PRELID2: variants seen among roughly 807,000 people sequenced by gnomAD.
PRELID2 encodes PRELI domain containing 2, also known as PRELI domain-containing protein 2.
PRELID2 carries 25 observed loss-of-function variants against 28.4 expected under a neutral mutation model. The observed-to-expected ratio is 0.88, with a 90% CI of 0.64 to 1.23. The LOEUF (loss-of-function observed/expected upper bound fraction) is 1.23, where lower values mean the gene tolerates loss of function less well. PRELID2 is among the 50% of genes most tolerant of loss of function. The probability of loss-of-function intolerance (pLI) is 0.00; values close to 1 mark genes in which losing one functional copy is unlikely to be tolerated. For synonymous variants in PRELID2, 76 were observed against 71.6 expected, an observed-to-expected ratio of 1.06 and a Z score of -0.31; for missense variants, 201 against 214.4, an observed-to-expected ratio of 0.94 and a Z score of 0.39.
intron 1 of PRELID2, among the ~76,000 whole-genome samples, chr5:145,559,078 C>T (rs1237783740): frequency 6.6e-6 from 1 of 151,910 alleles, no homozygotes; most frequent in Non-Finnish European, 1.5e-5. Context: ...CATGGTGAAA[C>T]CCCGTCTCTA....
intron 1 of PRELID2, among the ~76,000 whole-genome samples, chr5:145,502,526 G>T (rs78530991): frequency 3.3e-5 from 5 of 152,050 alleles, no homozygotes; most frequent in African/African-American, 9.7e-5. Flanking sequence ...ATGATGGCCA[G>T]GTTAATAAAT....
At chr5:145,334,740 G>T in the PRELID2 span, among the ~76,000 whole-genome samples, 1 of 149,568 alleles carries the variant, frequency 6.7e-6, no homozygotes, top group Admixed American at 6.7e-5. Context: ...CTGAAGAACA[G>T]CTTTGCCAAG....
At chr5:145,616,706 G>A (rs959884244) in intron 1 of PRELID2, among the ~76,000 whole-genome samples, 2 of 152,174 alleles carry the variant, frequency 1.3e-5, no homozygotes, top group Non-Finnish European at 2.9e-5. Context: ...GAGGCAGGGC[G>A]AGATCACAGG....
chr5:145,251,920 C>T, the PRELID2 span, among the ~76,000 whole-genome samples: 3 of 152,108 alleles, frequency 2.0e-5, no homozygotes, highest in African/African-American at 7.2e-5. Flanking sequence ...TAATTTCCTA[C>T]CCTTTCCCTC....
At chr5:145,568,814 G>A (rs897242875) in intron 1 of PRELID2, among the ~76,000 whole-genome samples, 4 of 152,216 alleles carry the variant, frequency 2.6e-5, no homozygotes, top group Non-Finnish European at 5.9e-5. Flanking sequence ...TACTCTCAAA[G>A]AGAAGGCATC....
chr5:145,821,334 T>C (rs769857987), intron 2 of PRELID2, among the ~76,000 whole-genome samples: 8 of 151,362 alleles, frequency 5.3e-5, no homozygotes, highest in Non-Finnish European at 1.0e-4. Context: ...CTCTTCTGTG[T>C]ATGTGTGTGT....
chr5:145,782,873 A>T (rs1751727332), intron 5 of PRELID2, among the ~76,000 whole-genome samples: 1 of 152,184 alleles, frequency 6.6e-6, no homozygotes, highest in African/African-American at 2.4e-5. Context: ...AATTTTTTTT[A>T]AAAAGTCATA....
At chr5:145,604,973 T>G (rs1231028905) in intron 1 of PRELID2, among the ~76,000 whole-genome samples, 1 of 148,480 alleles carries the variant, frequency 6.7e-6, no homozygotes, top group African/African-American at 2.5e-5. Flanking sequence ...TATATTCTTT[T>G]GAAAAGTGTC....
intron 1 of PRELID2, among the ~76,000 whole-genome samples, chr5:145,478,940 T>C (rs770986893): frequency 6.6e-6 from 1 of 152,142 alleles, no homozygotes; most frequent in Non-Finnish European, 1.5e-5. Context: ...GCATGTGCAA[T>C]AGAAAAAGCT....
At chr5:145,812,078 T>G (rs974741737) in intron 4 of PRELID2, among the ~76,000 whole-genome samples, 13 of 152,180 alleles carry the variant, frequency 8.5e-5, no homozygotes, top group African/African-American at 3.1e-4. Context: ...ATCATTCCTC[T>G]GAACACGCTG....
At chr5:145,285,738 C>G in the PRELID2 span, among the ~76,000 whole-genome samples, 1 of 152,276 alleles carries the variant, frequency 6.6e-6, no homozygotes, top group East Asian at 1.9e-4. Context: ...ACAGGTTTCC[C>G]TCTGAAGACC....
the PRELID2 span, among the ~76,000 whole-genome samples, chr5:145,446,713 A>T: frequency 1.3e-5 from 2 of 151,982 alleles, no homozygotes; most frequent in African/African-American, 4.8e-5. Flanking sequence ...TCCATCGATT[A>T]AAATGGAAAT....
rs537886222 is a variant in PRELID2 at position 145,806,375 on chromosome 5, G to A, written c.369-9828C>T. Among the ~76,000 whole-genome samples, 5 of 151,804 alleles carry A rather than the reference G, an allele frequency of 3.3e-5. No individual in the cohort carries two copies. The South Asian group carries it at 1.0e-3, about 32-fold the overall frequency. On this transcript the variant is annotated intron_variant, in intron 4 of 6. Coordinates refer to ENST00000683046, the MANE Select transcript of PRELID2 (RefSeq NM_205846.3). Reference sequence around the variant, plus strand: ...CACACATTAGCCTAGGACTACACAGGGTCATGATCATCAATATCACTGTCT... The same window carrying A: ...CACACATTAGCCTAGGACTACACAGAGTCATGATCATCAATATCACTGTCT...
At chr5:145,694,191 T>C (rs1199571832) in intron 1 of PRELID2, among the ~76,000 whole-genome samples, 1 of 152,166 alleles carries the variant, frequency 6.6e-6, no homozygotes, top group Non-Finnish European at 1.5e-5. Flanking sequence ...GCAACAAAAC[T>C]TTGGTTCTTG....
intron 1 of PRELID2, among the ~76,000 whole-genome samples, chr5:145,482,121 G>T (rs183980780): frequency 1.4e-3 from 214 of 152,186 alleles, no homozygotes; most frequent in African/African-American, 4.8e-3. Flanking sequence ...AACTTCTAAG[G>T]TTCATGTAGC....
chr5:145,806,681 C>A (rs1753533940), intron 4 of PRELID2, among the ~76,000 whole-genome samples: 1 of 152,146 alleles, frequency 6.6e-6, no homozygotes, highest in South Asian at 2.1e-4. Context: ...TTGTAATTCC[C>A]ATGTGTCAAG....
chr5:145,512,774 C>T (rs1752472729), intron 1 of PRELID2, among the ~76,000 whole-genome samples: 1 of 152,182 alleles, frequency 6.6e-6, no homozygotes. Context: ...TGGGACGAAG[C>T]TTCCAAAGGA....
At chr5:145,646,304 T>C (rs1014108988) in intron 1 of PRELID2, among the ~76,000 whole-genome samples, 7 of 152,222 alleles carry the variant, frequency 4.6e-5, no homozygotes, top group Admixed American at 3.3e-4. Flanking sequence ...TCTGATATCC[T>C]TTCTTCCTCT....
the PRELID2 span, among the ~76,000 whole-genome samples, chr5:145,361,535 T>C: frequency 6.6e-6 from 1 of 152,144 alleles, no homozygotes; most frequent in Non-Finnish European, 1.5e-5. Context: ...ATTCAGCATT[T>C]CTTAAGAGAC....
Sources: allele counts gnomAD v4.1 joint callset (sites outside exome capture counted in the v4.1 genomes callset), GRCh38; gene constraint gnomAD v4.1.1; transcripts MANE v1.5; gene names NCBI Gene and HGNC (gene_info 2026-07-23, HGNC 2026-07-21).